The following MAEL variants were observed in gnomAD, a reference collection of about 807,000 sequenced individuals.
MAEL encodes maelstrom spermatogenic transposon silencer.
Under a neutral mutation model 62.0 loss-of-function variants are expected in MAEL, and 46 were observed. The ratio of observed to expected loss-of-function variants is 0.74; its 90% CI spans 0.59 to 0.95. The LOEUF (loss-of-function observed/expected upper bound fraction) is 0.95. MAEL is among the 40% of genes least tolerant of loss of function. The pLI, the probability that MAEL is intolerant of heterozygous loss-of-function variation, is 0.00. For missense variants in MAEL, 497 were observed against 526.8 expected, an observed-to-expected ratio of 0.94 and a Z score of 0.55; for synonymous variants, 172 against 175.5, an observed-to-expected ratio of 0.98 and a Z score of 0.16.
At chr1:167,006,658 CAG>C (rs1664926685) in intron 8 of MAEL, among the ~76,000 whole-genome samples, 1 of 105,358 alleles carries the variant, frequency 9.5e-6, no homozygotes, top group Non-Finnish European at 1.9e-5. Context: ...TTTTTTGAGA[CAG>C]AGTCTTGCTG....
At chr1:166,993,702 C>G (rs190677866) in intron 4 of MAEL, among the ~76,000 whole-genome samples, 1 of 152,208 alleles carries the variant, frequency 6.6e-6, no homozygotes, top group Admixed American at 6.5e-5. Context: ...GCATATACAC[C>G]TTGCTGTATC....
intron 2 of MAEL, chr1:166,990,086 A>AAT (rs984569395): frequency 8.6e-6 from 3 of 347,374 alleles, no homozygotes; most frequent in Admixed American, 4.5e-5. Context: ...ACCTGTAGAC[A>AAT]ATACACTTTG....
At chr1:167,006,963 G>T (rs978426202) in intron 8 of MAEL, among the ~76,000 whole-genome samples, 6 of 151,822 alleles carry the variant, frequency 4.0e-5, no homozygotes, top group Admixed American at 1.3e-4. Context: ...TAAATATTTT[G>T]TGGGGAAATA....
chr1:166,989,321 T>A lies in MAEL; in HGVS notation c.-32T>A. 2 of 1,600,862 alleles carry A rather than the reference T, an allele frequency of 1.2e-6. No homozygotes were observed. The highest frequency in any genetic ancestry group is 1.7e-6 in the Non-Finnish European group (2 of 1,173,584). On this transcript the variant is annotated 5_prime_UTR_variant, in exon 1 of 12. Transcript: ENST00000367872. The stretch of plus-strand genomic sequence containing the variant: ...CGGCGAGGGCGCCGGTGCTTTGTTC[T>A]GTCTGAGGCCAGGAAGTTTGACCGC...
upstream of MAEL, among the ~76,000 whole-genome samples, chr1:166,988,762 T>C (rs1433266850): frequency 6.6e-6 from 1 of 152,210 alleles, no homozygotes; most frequent in African/African-American, 2.4e-5. Context: ...TTTAAGGATA[T>C]TTTAAATCTC....
At position 166,992,845 on chromosome 1, in the gene MAEL, A is replaced by G. The variant is rs902682462; in HGVS notation, c.481+4A>G. The G allele has an allele frequency of 1.9e-6, 3 of 1,579,262 alleles. No homozygotes were observed. The highest frequency in any genetic ancestry group is 1.4e-5 in the African/African-American group (1 of 72,394). On this transcript the variant is annotated splice_donor_region_variant and intron_variant, in intron 4 of 11. Coordinates refer to ENST00000367872, the MANE Select transcript of MAEL (RefSeq NM_032858.3). ...TTCCACAGTTTTATAAATCCTGGTAAGTAGTCAGAGTAGATGCTAGATCTT... is the reference window on the plus strand; with the variant it reads ...TTCCACAGTTTTATAAATCCTGGTAGGTAGTCAGAGTAGATGCTAGATCTT...
chr1:167,014,299 A>G (rs1665288264), intron 8 of MAEL, among the ~76,000 whole-genome samples: 1 of 152,230 alleles, frequency 6.6e-6, no homozygotes, highest in Non-Finnish European at 1.5e-5. Context: ...AGTAGTATTA[A>G]GAGATGCAGT....
At chr1:167,005,800 C>G (rs1450694708) in intron 8 of MAEL, among the ~76,000 whole-genome samples, 3 of 152,172 alleles carry the variant, frequency 2.0e-5, no homozygotes, top group Non-Finnish European at 4.4e-5. Context: ...TTACTATTCT[C>G]TGTTTCCTTA....
At chr1:167,000,812 T>A (rs139678188) in intron 5 of MAEL, among the ~76,000 whole-genome samples, 26 of 152,276 alleles carry the variant, frequency 1.7e-4, no homozygotes, top group African/African-American at 5.8e-4. Flanking sequence ...TGTAAACTAG[T>A]ACAACCACTA....
chr1:167,008,947 G>GT lies in MAEL; in HGVS notation c.845+3557dup, dbSNP rs1361199025. On this transcript the variant is annotated intron_variant, in intron 8 of 11. Coordinates refer to ENST00000367872, the MANE Select transcript of MAEL (RefSeq NM_032858.3). ...TTTATGGAAGTTACTGGTCTTTGGG[G>GT]TTTTTTTGCTGACTTAATATATAAT... Among the ~76,000 whole-genome samples, 3 of 132,840 alleles carry GT rather than the reference G, an allele frequency of 2.3e-5. 1 individual carries two copies. The highest frequency in any genetic ancestry group is 2.1e-4 in the Admixed American group (3 of 13,984). The allele number at this position is 132,840 out of a possible 152,430, so 87.1% of individuals were successfully genotyped here.
chr1:166,999,724 G>A (rs540153053), intron 5 of MAEL, among the ~76,000 whole-genome samples: 1 of 152,190 alleles, frequency 6.6e-6, no homozygotes, highest in Non-Finnish European at 1.5e-5. Flanking sequence ...GAGAGGATAA[G>A]TCAGTGCCTG....
intron 5 of MAEL, among the ~76,000 whole-genome samples, chr1:166,999,724 G>T (rs540153053): frequency 6.6e-6 from 1 of 152,308 alleles, no homozygotes; most frequent in Non-Finnish European, 1.5e-5. Context: ...GAGAGGATAA[G>T]TCAGTGCCTG....
At chr1:166,980,978 G>A (rs572531330) in intron 1 of MAEL, among the ~76,000 whole-genome samples, 1 of 152,138 alleles carries the variant, frequency 6.6e-6, no homozygotes, top group South Asian at 2.1e-4. Context: ...GACAGAACCT[G>A]AGAGAGGGAA....
Position 166,989,749 on chromosome 1 carries a change from G to A in MAEL, c.145G>A (p.Glu49Lys). Residue 49 changes from glutamate (E) to lysine (K), a missense_variant, in exon 2 of 12, where the codon GAA becomes AAA. Physicochemically the swap from Glu to Lys is moderately conservative, Grantham distance 56. Transcript: ENST00000367872. ...CSSDWALLRE[E>K]EKEKYAEMAR... Reference sequence around the variant, plus strand: ...CAATCCCCAAAAGCTTCTGAGGGAGGAAGAAAAGGAGAAATACGCAGAAAT... The same window carrying A: ...CAATCCCCAAAAGCTTCTGAGGGAGAAAGAAAAGGAGAAATACGCAGAAAT... 6.2e-7 allele frequency: 1 copy of A among 1,613,956 alleles called. No individual in the cohort carries two copies. Among genetic ancestry groups the A allele is most frequent in the Non-Finnish European group, 8.5e-7 (1 of 1,179,994 alleles).
At chr1:166,992,331 C>G (rs779868979) in intron 3 of MAEL, among the ~76,000 whole-genome samples, 1 of 152,154 alleles carries the variant, frequency 6.6e-6, no homozygotes, top group Non-Finnish European at 1.5e-5. Flanking sequence ...TGATTCTGCT[C>G]AGCTTCGTTT....
At chr1:166,980,132 C>T (rs1258533598) in intron 1 of MAEL, among the ~76,000 whole-genome samples, 1 of 152,154 alleles carries the variant, frequency 6.6e-6, no homozygotes, top group East Asian at 1.9e-4. Context: ...ATCCTCCTGC[C>T]TCAGCTTCCC....
intron 5 of MAEL, among the ~76,000 whole-genome samples, chr1:166,996,740 T>A (rs1333194609): frequency 1.3e-5 from 2 of 152,250 alleles, no homozygotes; most frequent in Admixed American, 6.5e-5. Flanking sequence ...TTTGTTTAAA[T>A]GATGTGTTTA....
At chr1:166,976,555 A>G (rs1245468202) in intron 1 of MAEL, among the ~76,000 whole-genome samples, 1 of 152,202 alleles carries the variant, frequency 6.6e-6, no homozygotes, top group East Asian at 1.9e-4. Flanking sequence ...AGGGGGCACC[A>G]CGATAAAGGA....
In MAEL at chr1:166,993,137, G is replaced by A. The variant is rs557564770; in HGVS notation, c.481+296G>A. Among the ~76,000 whole-genome samples the A allele has an allele frequency of 2.0e-5, 3 of 152,256 alleles. No individual in the cohort carries two copies. The East Asian group carries it at 5.8e-4, about 29-fold the overall frequency. ...CCTTACATCTTGGGATTTTCTAAAAGCCGTGTATGCCATGATCTTTTCTTT... is the reference window on the plus strand; with the variant it reads ...CCTTACATCTTGGGATTTTCTAAAAACCGTGTATGCCATGATCTTTTCTTT... On this transcript the variant is annotated intron_variant, in intron 4 of 11. Coordinates refer to ENST00000367872, the MANE Select transcript of MAEL (RefSeq NM_032858.3).
Sources: allele counts gnomAD v4.1 joint callset (sites outside exome capture counted in the v4.1 genomes callset), GRCh38; gene constraint gnomAD v4.1.1; transcripts MANE v1.5; gene names NCBI Gene and HGNC (gene_info 2026-07-23, HGNC 2026-07-21).